The following ERC2 variants were observed in gnomAD, a reference collection of about 807,000 sequenced individuals.
The protein encoded by ERC2 is ELKS/RAB6-interacting/CAST family member 2.
ERC2 carries 42 observed loss-of-function variants against 114.8 expected under a neutral mutation model. That is an observed-to-expected ratio of 0.37 (90% CI 0.29 to 0.47). The LOEUF (loss-of-function observed/expected upper bound fraction) is 0.47. ERC2 is among the 20% of genes least tolerant of loss of function. The pLI is 0.99. For synonymous variants in ERC2, 454 were observed against 425.5 expected (o/e 1.07, Z -0.82); for missense variants, 939 against 1,150.7 (o/e 0.82, Z 2.66).
intron 14 of ERC2, among the ~76,000 whole-genome samples, chr3:55,797,228 G>T (rs1365636506): frequency 6.6e-6 from 1 of 152,036 alleles, no homozygotes; most frequent in African/African-American, 2.4e-5. Flanking sequence ...ACCCTCAAAT[G>T]AACTAAAACA....
intron 2 of ERC2, among the ~76,000 whole-genome samples, chr3:56,348,851 T>C (rs1019480579): frequency 7.4e-6 from 1 of 134,376 alleles, no homozygotes; most frequent in East Asian, 2.2e-4. Context: ...TTTTCTAAGA[T>C]ACCACCAAAA....
intron 3 of ERC2, among the ~76,000 whole-genome samples, chr3:56,271,644 C>T (rs76649767): frequency 0.012 from 1,896 of 152,164 alleles, 30 homozygotes; most frequent in African/African-American, 0.042. Flanking sequence ...GGTACATGTG[C>T]AAGGTTATTA....
intron 14 of ERC2, among the ~76,000 whole-genome samples, chr3:55,832,580 A>C (rs1219829882): frequency 6.6e-6 from 1 of 152,248 alleles, no homozygotes; most frequent in Non-Finnish European, 1.5e-5. Context: ...ACAAACAGAA[A>C]GAATATCCAC....
At chr3:56,396,504 G>A (rs2060311271) in intron 2 of ERC2, among the ~76,000 whole-genome samples, 1 of 152,092 alleles carries the variant, frequency 6.6e-6, no homozygotes, top group African/African-American at 2.4e-5. Context: ...ATAGAAAGGT[G>A]GCCAAGATGT....
intron 14 of ERC2, among the ~76,000 whole-genome samples, chr3:55,877,516 T>A (rs1012001845): frequency 9.9e-6 from 1 of 101,076 alleles, no homozygotes; most frequent in African/African-American, 4.7e-5. Flanking sequence ...TTATTTTTTC[T>A]TTTTTTTTTT....
chr3:56,104,382 GC>G (rs2078531303), intron 6 of ERC2, among the ~76,000 whole-genome samples: 1 of 152,144 alleles, frequency 6.6e-6, no homozygotes, highest in African/African-American at 2.4e-5. Flanking sequence ...AATTAGTTCT[GC>G]CTGAAAGGCC....
intron 14 of ERC2, among the ~76,000 whole-genome samples, chr3:55,830,678 T>C (rs889008737): frequency 1.3e-5 from 2 of 152,180 alleles, no homozygotes; most frequent in Non-Finnish European, 2.9e-5. Context: ...GTACAGTGAC[T>C]CACACCTATA....
rs1559499116 is a variant in ERC2, at chr3:56,434,969, A to G, written c.39T>C (p.Gly13=). The G allele has an allele frequency of 6.2e-7, 1 of 1,612,344 alleles. No individual in the cohort carries two copies. The highest frequency in any genetic ancestry group is 2.2e-5 in the East Asian group (1 of 44,858). Reference sequence around the variant, plus strand: ...GCAAACGAGGGGATCTGGAAGGGCTACCTTCCAGATTGGTGATTGTTCTTG... The same window carrying G: ...GCAAACGAGGGGATCTGGAAGGGCTGCCTTCCAGATTGGTGATTGTTCTTG... ...GSARTITNLE[G]SPSRSPRLPR... Residue 13 remains glycine (G), a synonymous_variant, in exon 2 of 18, where the codon GGT becomes GGC. Transcript: ENST00000288221.
chr3:56,033,266 T>C (rs2074594196), intron 7 of ERC2, among the ~76,000 whole-genome samples: 1 of 152,072 alleles, frequency 6.6e-6, no homozygotes. Flanking sequence ...GGTGTGGTGG[T>C]GCATGCCTGT....
rs541395358 is a variant in ERC2 at position 55,969,327 on chromosome 3, T to C, written c.2267+16650A>G. ...AGATCATGTGCTATAGAACCCAAGATGGTATGCTGGAGAGCCAGAAAAGCT... is the reference window on the plus strand; with the variant it reads ...AGATCATGTGCTATAGAACCCAAGACGGTATGCTGGAGAGCCAGAAAAGCT... On this transcript the variant is annotated intron_variant, in intron 12 of 17. Coordinates refer to ENST00000288221, the MANE Select transcript of ERC2 (RefSeq NM_015576.3). Among the ~76,000 whole-genome samples the C allele has an allele frequency of 2.6e-4, 40 of 151,600 alleles. 1 individual carries two copies. In the South Asian group the frequency reaches 8.1e-3, roughly 31 times the overall value.
At chr3:56,109,966 C>T (rs2078873186) in intron 6 of ERC2, among the ~76,000 whole-genome samples, 1 of 152,064 alleles carries the variant, frequency 6.6e-6, no homozygotes, top group Non-Finnish European at 1.5e-5. Context: ...ATTTAGAAGA[C>T]AAACAACAAA....
chr3:55,917,836 G>C (rs1011977240), intron 13 of ERC2, among the ~76,000 whole-genome samples: 2 of 152,122 alleles, frequency 1.3e-5, no homozygotes, highest in African/African-American at 2.4e-5. Context: ...ATGCTTTGTG[G>C]ATACCAGTTA....
At chr3:56,106,933 T>G (rs1355589328) in intron 6 of ERC2, among the ~76,000 whole-genome samples, 1 of 152,224 alleles carries the variant, frequency 6.6e-6, no homozygotes, top group Non-Finnish European at 1.5e-5. Flanking sequence ...TGTGACCTAA[T>G]CACCACGGTG....
At chr3:56,411,049 C>CATAA (rs1224748738) in intron 2 of ERC2, among the ~76,000 whole-genome samples, 1 of 122,064 alleles carries the variant, frequency 8.2e-6, no homozygotes, top group South Asian at 2.7e-4. Flanking sequence ...TGAATTATCT[C>CATAA]AGAAAAAAAA....
intron 3 of ERC2, among the ~76,000 whole-genome samples, chr3:56,174,999 A>T (rs2082896058): frequency 1.3e-5 from 2 of 151,622 alleles, no homozygotes; most frequent in South Asian, 4.2e-4. Flanking sequence ...AAAAGATAGG[A>T]CATGTTAATG....
At chr3:55,963,858 C>T (rs564009099) in intron 12 of ERC2, among the ~76,000 whole-genome samples, 2 of 152,230 alleles carry the variant, frequency 1.3e-5, no homozygotes, top group African/African-American at 2.4e-5. Flanking sequence ...AGGTTGAGGG[C>T]GATTTGCCCA....
chr3:56,234,348 AGG>A (rs1182063429), intron 3 of ERC2, among the ~76,000 whole-genome samples: 1 of 152,242 alleles, frequency 6.6e-6, no homozygotes, highest in African/African-American at 2.4e-5. Context: ...ACAACTAAAG[AGG>A]ATGGCTTTTC....
chr3:56,445,687 C>G (rs1405469290), intron 1 of ERC2, among the ~76,000 whole-genome samples: 1 of 152,192 alleles, frequency 6.6e-6, no homozygotes, highest in African/African-American at 2.4e-5. Flanking sequence ...TCTTGCCACT[C>G]TCTCCTTCAA....
rs187199763 is a variant in ERC2, at chr3:56,162,878, C to T, written c.1149+10568G>A. Among the ~76,000 whole-genome samples, 268 of 152,018 alleles carry T rather than the reference C, an allele frequency of 1.8e-3. 1 individual carries two copies. Among genetic ancestry groups the T allele is most frequent in the South Asian group, 7.7e-3 (37 of 4,814 alleles). ...GGTCTCAATTGTGTTCAGTTCTGCT[C>T]TGTTTTTTTTATTTCTTTTCTCTGC... On this transcript the variant is annotated intron_variant, in intron 4 of 17. Coordinates refer to ENST00000288221, the MANE Select transcript of ERC2 (RefSeq NM_015576.3).
Sources: gnomAD v4.1 joint callset for allele counts (sites outside exome capture counted in the v4.1 genomes callset) on GRCh38, gnomAD v4.1.1 for gene constraint, MANE v1.5 for transcripts, NCBI Gene and HGNC (gene_info 2026-07-23, HGNC 2026-07-21) for gene names.